The following STK32B variants were observed in gnomAD, a reference collection of about 807,000 sequenced individuals.
STK32B encodes the protein serine/threonine-protein kinase 32B.
Under a neutral mutation model 52.6 loss-of-function variants are expected in STK32B, and 43 were observed. The ratio of observed to expected loss-of-function variants is 0.82; its 90% confidence interval spans 0.64 to 1.05. The LOEUF (loss-of-function observed/expected upper bound fraction) is 1.05, where lower values mean the gene tolerates loss of function less well. Ranked by LOEUF, STK32B falls within the 50% of genes least tolerant of loss-of-function variation. The pLI is 0.00. For synonymous variants in STK32B, 238 were observed against 204.3 expected, an observed-to-expected ratio of 1.17 and a Z score of -1.41; for missense variants, 621 against 534.6, an observed-to-expected ratio of 1.16 and a Z score of -1.59.
chr4:5,168,627 G>A (rs183857116), intron 3 of STK32B, among the ~76,000 whole-genome samples, 177 bp downstream of exon 3: 1 of 152,332 alleles, frequency 6.6e-6, no homozygotes, highest in Admixed American at 6.5e-5. Flanking sequence ...ATAGGCATAT[G>A]TTTCATTTTC....
At chr4:5,179,086 G>C (rs1296324846) in intron 3 of STK32B, among the ~76,000 whole-genome samples, 1 of 152,264 alleles carries the variant, frequency 6.6e-6, no homozygotes, top group Non-Finnish European at 1.5e-5. Context: ...CTTACTCTCA[G>C]TTCTGCATTG....
At chr4:5,387,349 C>T (rs1238329927) in intron 4 of STK32B, among the ~76,000 whole-genome samples, 5 of 152,180 alleles carry the variant, frequency 3.3e-5, no homozygotes, top group Non-Finnish European at 7.3e-5. Flanking sequence ...TTCGATGGAA[C>T]TCAGCACCTA....
At chr4:5,455,421 G>A (rs992600489) in intron 7 of STK32B, among the ~76,000 whole-genome samples, 2 of 152,324 alleles carry the variant, frequency 1.3e-5, no homozygotes, top group African/African-American at 2.4e-5. Context: ...TACATATGCC[G>A]CATGCATAGG....
chr4:5,136,189 A>G (rs1321861105), intron 1 of STK32B, among the ~76,000 whole-genome samples: 1 of 152,194 alleles, frequency 6.6e-6, no homozygotes, highest in Non-Finnish European at 1.5e-5. Flanking sequence ...TTTGTTATCA[A>G]GAAAGAAGGG....
intron 5 of STK32B, among the ~76,000 whole-genome samples, chr4:5,411,882 C>T (rs1711719300): frequency 6.6e-6 from 1 of 152,168 alleles, no homozygotes; most frequent in East Asian, 1.9e-4. Flanking sequence ...CTGACTAAGA[C>T]ATAGAGATAC....
At chr4:5,198,614 G>A (rs1475721902) in intron 3 of STK32B, among the ~76,000 whole-genome samples, 1 of 152,154 alleles carries the variant, frequency 6.6e-6, no homozygotes, top group African/African-American at 2.4e-5. Context: ...TCTCTCTGCA[G>A]CATATTTAGG....
intron 4 of STK32B, among the ~76,000 whole-genome samples, chr4:5,348,467 G>T (rs1733609288): frequency 5.9e-5 from 9 of 152,138 alleles, no homozygotes; most frequent in Admixed American, 5.9e-4. Context: ...CGTTGCTTTA[G>T]GAACCAAGGA....
At position 5,215,266 on chromosome 4, in the gene STK32B, A is replaced by T. The variant is rs529472788; in HGVS notation, c.260+46816A>T. On this transcript the variant is annotated intron_variant, in intron 3 of 11. Coordinates refer to ENST00000282908, the MANE Select transcript of STK32B (RefSeq NM_018401.3). ...TGGAATCTGCAGGGACAGTGATGTG[A>T]ACTGCAATTCTCAACAGTTAGTTGA... 5.3e-5 allele frequency among the ~76,000 whole-genome samples: 8 copies of T among 152,318 alleles called. No individual in the cohort carries two copies. The South Asian group carries it at 1.2e-3, about 24-fold the overall frequency.
rs571016920 is a variant in STK32B, at chr4:5,057,391, A to T, written c.52+5476A>T. ...ATGGTGCACAGAGAACTCCCAAGAAATTCCCAAAAAGAGATAGGACATAGC... is the reference window on the plus strand; with the variant it reads ...ATGGTGCACAGAGAACTCCCAAGAATTTCCCAAAAAGAGATAGGACATAGC... On this transcript the variant is annotated intron_variant, in intron 1 of 11. Coordinates refer to ENST00000282908, the MANE Select transcript of STK32B (RefSeq NM_018401.3). 6.1e-4 allele frequency among the ~76,000 whole-genome samples: 93 copies of T among 152,182 alleles called. 1 individual carries two copies. The highest frequency in any genetic ancestry group is 1.1e-3 in the Non-Finnish European group (77 of 68,038).
chr4:5,441,151 T>C (rs1195148566), intron 6 of STK32B, among the ~76,000 whole-genome samples: 2 of 149,296 alleles, frequency 1.3e-5, no homozygotes, highest in Non-Finnish European at 3.0e-5. Flanking sequence ...CCTCTTTTTC[T>C]ATTGATTGGA....
intron 11 of STK32B, among the ~76,000 whole-genome samples, chr4:5,474,467 T>C (rs549979009): frequency 5.3e-5 from 8 of 152,360 alleles, no homozygotes; most frequent in Admixed American, 1.3e-4. Flanking sequence ...TTGACATTTC[T>C]CGTATCTCTT....
chr4:5,346,964 C>T (rs28448297), intron 4 of STK32B, among the ~76,000 whole-genome samples: 22,322 of 152,100 alleles, frequency 0.15, 2,261 homozygotes, highest in African/African-American at 0.28. Flanking sequence ...CTGTCAAACA[C>T]TTATAAAACC....
intron 4 of STK32B, among the ~76,000 whole-genome samples, chr4:5,351,515 A>C (rs554811116): frequency 6.6e-6 from 1 of 152,232 alleles, no homozygotes; most frequent in African/African-American, 2.4e-5. Flanking sequence ...TCAAAAGAGT[A>C]GAAAGATTTC....
chr4:5,359,786 C>A (rs868802356), intron 4 of STK32B, among the ~76,000 whole-genome samples: 2 of 152,090 alleles, frequency 1.3e-5, no homozygotes, highest in African/African-American at 4.8e-5. Flanking sequence ...TCAGGAACAG[C>A]GAGCAGACCA....
chr4:5,111,725 A>T (rs1357886177), intron 1 of STK32B, among the ~76,000 whole-genome samples: 1 of 152,142 alleles, frequency 6.6e-6, no homozygotes, highest in Non-Finnish European at 1.5e-5. Context: ...CCCATGTAAC[A>T]AACAAACACA....
chr4:5,416,470 A>G (rs1368386081), intron 5 of STK32B, among the ~76,000 whole-genome samples: 1 of 152,068 alleles, frequency 6.6e-6, no homozygotes, highest in Non-Finnish European at 1.5e-5. Context: ...GGGTGGGAGA[A>G]TCCTCTTCAC....
chr4:5,231,936 T>C (rs985131047), intron 3 of STK32B, among the ~76,000 whole-genome samples: 2 of 152,138 alleles, frequency 1.3e-5, no homozygotes, highest in South Asian at 2.1e-4. Flanking sequence ...AGGACAAAGA[T>C]ACACAGAAGA....
intron 5 of STK32B, among the ~76,000 whole-genome samples, chr4:5,403,507 A>G (rs1326229353): frequency 6.6e-6 from 1 of 152,118 alleles, no homozygotes; most frequent in Non-Finnish European, 1.5e-5. Flanking sequence ...TATTCTTGGG[A>G]ACTGTAACAA....
chr4:5,041,849 A>G, the STK32B span, among the ~76,000 whole-genome samples: 1 of 151,634 alleles, frequency 6.6e-6, no homozygotes, highest in African/African-American at 2.4e-5. Flanking sequence ...AACAGAACAT[A>G]TTGAAATTGA....
Sources: allele counts gnomAD v4.1 joint callset (sites outside exome capture counted in the v4.1 genomes callset), GRCh38; gene constraint gnomAD v4.1.1; transcripts MANE v1.5; gene names NCBI Gene and HGNC (gene_info 2026-07-23, HGNC 2026-07-21).